NME8: variants seen among roughly 807,000 people sequenced by gnomAD.
NME8 encodes protein NME8.
In NME8, 72 loss-of-function variants were observed where a neutral mutation model predicts 82.3. That is an observed-to-expected ratio of 0.87 (90% CI 0.72 to 1.06). The LOEUF (loss-of-function observed/expected upper bound fraction) is 1.06. Ranked by LOEUF, NME8 falls within the 50% of genes least tolerant of loss-of-function variation. NME8 has a pLI of 0.00. For synonymous variants in NME8, 267 were observed against 228.5 expected, an observed-to-expected ratio of 1.17 and a Z score of -1.52; for missense variants, 712 against 685.4, an observed-to-expected ratio of 1.04 and a Z score of -0.43.
At chr7:37,886,411 T>C (rs1041694795) in intron 14 of NME8, among the ~76,000 whole-genome samples, 1 of 152,142 alleles carries the variant, frequency 6.6e-6, no homozygotes, top group Non-Finnish European at 1.5e-5. Context: ...TTAATCTTAA[T>C]CTTTATTTCT....
intron 15 of NME8, 38 bp downstream of exon 15, chr7:37,888,466 C>T: frequency 9.5e-6 from 15 of 1,578,770 alleles, no homozygotes; most frequent in Non-Finnish European, 1.2e-5. Context: ...TATACATTTT[C>T]TCCAAATTTT....
rs559396172 is a variant in NME8 at position 37,887,855 on chromosome 7, A to T, written c.1248-422A>T. On this transcript the variant is annotated intron_variant, in intron 14 of 17. Transcript: ENST00000199447. The stretch of plus-strand genomic sequence containing the variant: ...TGTAATACCAGGTGCTTGTAAAACC[A>T]TCAGATCTTCTGAGAACTCACTCAC... Among the ~76,000 whole-genome samples the T allele has an allele frequency of 3.3e-5, 5 of 152,260 alleles. No homozygotes were observed. In the East Asian group the frequency reaches 9.6e-4, roughly 29 times the overall value.
intron 9 of NME8, 25 bp from the exon 10 acceptor site, chr7:37,865,500 A>T (rs1026461910): frequency 1.4e-5 from 22 of 1,524,424 alleles, no homozygotes; most frequent in Non-Finnish European, 2.0e-5. Context: ...CGACACCTGG[A>T]TTTGACCTTA....
chr7:37,863,610 A>T, intron 8 of NME8, 148 bp downstream of exon 8: 1 of 654,220 alleles, frequency 1.5e-6, no homozygotes, highest in South Asian at 1.7e-5. Context: ...GCCTTGCAAG[A>T]CTCAGCTATT....
intron 7 of NME8, among the ~76,000 whole-genome samples, 169 bp downstream of exon 7, chr7:37,862,313 C>T (rs1184530514): frequency 1.3e-5 from 2 of 152,050 alleles, no homozygotes; most frequent in African/African-American, 4.8e-5. Flanking sequence ...AGTTGTTTAA[C>T]CTAATTTTGT....
intron 13 of NME8, 28 bp downstream of exon 13, chr7:37,884,475 C>G (rs371814640): frequency 1.1e-4 from 182 of 1,595,416 alleles, no homozygotes; most frequent in Non-Finnish European, 1.5e-4. Flanking sequence ...AAAATTCAGT[C>G]TGATTTATTT....
Position 37,888,390 on chromosome 7 carries a change from T to C in NME8, c.1361T>C (p.Leu454Ser). ...IQHFFPLQST[L>S]GLIKPHATSE... Reference sequence around the variant, plus strand: ...CATTTCTTTCCTCTTCAAAGCACTTTAGGCTTGATTAAACCTCATGCAACA... The same window carrying C: ...CATTTCTTTCCTCTTCAAAGCACTTCAGGCTTGATTAAACCTCATGCAACA... The change falls in exon 15 of 18, where the codon TTA (leucine) becomes TCA (serine). Residue 454 changes from leucine (L) to serine (S), a missense_variant. Leu to Ser is a moderately radical substitution (Grantham distance 145, BLOSUM62 -2). Transcript: ENST00000199447. The C allele has an allele frequency of 6.2e-7, 1 of 1,613,356 alleles. No homozygotes were observed. The highest frequency in any genetic ancestry group is 8.5e-7 in the Non-Finnish European group (1 of 1,179,564).
chr7:37,870,820 T>C (rs1212357979), intron 11 of NME8, among the ~76,000 whole-genome samples: 2 of 152,154 alleles, frequency 1.3e-5, no homozygotes, highest in African/African-American at 4.8e-5. Flanking sequence ...CGTTGGTTTT[T>C]CAGTAAAACT....
In NME8 at chr7:37,867,713, A is replaced by G. The variant is rs200050894; in HGVS notation, c.633A>G (p.Glu211=). 1.1e-4 allele frequency: 181 copies of G among 1,612,520 alleles called. 2 individuals carry two copies. The South Asian group carries it at 1.7e-3, about 15-fold the overall frequency. ...YSRIADQCDF[E]EFVSFMTSGL... ...ATTTTATTTTGTAGTGTGACTTCGA[A>G]GAGTTTGTCTCTTTTATGACAAGTG... is the stretch of plus-strand genomic sequence containing the variant. Residue 211 remains glutamate (E), a synonymous_variant, in exon 11 of 18, where the codon GAA becomes GAG. Coordinates refer to ENST00000199447, the MANE Select transcript of NME8 (RefSeq NM_016616.5).
chr7:37,869,955 T>C (rs1784743334), intron 11 of NME8, among the ~76,000 whole-genome samples: 2 of 152,152 alleles, frequency 1.3e-5, no homozygotes, highest in African/African-American at 4.8e-5. Context: ...GATCCTCAGA[T>C]CCGACAGGAA....
At chr7:37,887,240 T>G (rs1372198985) in intron 14 of NME8, among the ~76,000 whole-genome samples, 1 of 152,168 alleles carries the variant, frequency 6.6e-6, no homozygotes, top group Non-Finnish European at 1.5e-5. Context: ...GGTCTGGTAT[T>G]ATCAGCATCA....
intron 16 of NME8, among the ~76,000 whole-genome samples, chr7:37,894,847 C>T (rs1436315973): frequency 6.6e-6 from 1 of 151,582 alleles, no homozygotes; most frequent in East Asian, 1.9e-4. Flanking sequence ...TTCCTTCCTA[C>T]TTTCCTTTCT....
intron 15 of NME8, among the ~76,000 whole-genome samples, chr7:37,891,995 A>G (rs1209068506): frequency 1.3e-5 from 2 of 151,976 alleles, no homozygotes; most frequent in Non-Finnish European, 2.9e-5. Flanking sequence ...TATTATTTAC[A>G]TATATGCTGG....
chr7:37,861,978 G>GAT (rs778404063), intron 6 of NME8, 50 bp from the exon 7 acceptor site: 2 of 1,142,716 alleles, frequency 1.8e-6, no homozygotes, highest in South Asian at 2.5e-5. Context: ...GTTAGTTCTT[G>GAT]GTGTGTTCTC....
chr7:37,861,900 T>C, intron 6 of NME8, 128 bp from the exon 7 acceptor site: 3 of 770,912 alleles, frequency 3.9e-6, no homozygotes, highest in Non-Finnish European at 7.2e-6. Flanking sequence ...TTAATTACCA[T>C]AGCTAAAAGA....
rs775868906 is a variant in NME8, at chr7:37,897,060, A to G, written c.1735A>G (p.Asn579Asp). ...CGCCTATGAAGCAAAAGAGGTTGTT[A>G]ATAGACTCTTTGAGGATCCTGAGGA... Reference protein sequence around the residue: ...SNAYEAKEVVNRLFEDPEEN With the variant: ...SNAYEAKEVVDRLFEDPEEN Residue 579 changes from asparagine to aspartate, a missense_variant, in exon 17 of 18, where the codon AAT becomes GAT. Coordinates refer to ENST00000199447, the MANE Select transcript of NME8 (RefSeq NM_016616.5). The G allele has an allele frequency of 4.3e-5, 69 of 1,613,726 alleles. 2 individuals are homozygous for G. In the Middle Eastern group the frequency reaches 3.1e-3, roughly 73 times the overall value.
Position 37,894,341 on chromosome 7 carries a change from A to T in NME8, c.1400-125A>T. On this transcript the variant is annotated intron_variant, in intron 15 of 17. Coordinates refer to ENST00000199447, the MANE Select transcript of NME8 (RefSeq NM_016616.5). ...TTGGAATTTTAATTTCGTTTGGCAG[A>T]GTTTTGCCATGTTAAACCACAATAT... 4 of 944,246 alleles carry T rather than the reference A, an allele frequency of 4.2e-6. No individual in the cohort carries two copies. The South Asian group carries it at 5.8e-5, about 14-fold the overall frequency. 58.5% of individuals were successfully genotyped at this position (944,246 alleles called of 1,614,324 possible).
intron 15 of NME8, among the ~76,000 whole-genome samples, chr7:37,892,713 T>A (rs1184677159): frequency 6.6e-6 from 1 of 152,116 alleles, no homozygotes; most frequent in African/African-American, 2.4e-5. Flanking sequence ...ATTTTATCTT[T>A]GTCTTTCGTG....
rs1368505107 is a variant in NME8, at chr7:37,876,916, T to C, written c.903T>C (p.Asp301=). The change falls in exon 12 of 18, where the codon GAT becomes GAC. Residue 301 remains aspartate (D), a synonymous_variant. Transcript: ENST00000199447. ...EDAANVAKFM[D]AFFPDFKKMK... ...CAGCTAATGTTGCTAAGTTCATGGA[T>C]GCTTTCTTCCCCGATTTTAAAAAAA... 1 of 1,612,896 alleles carries C rather than the reference T, an allele frequency of 6.2e-7. No individual in the cohort carries two copies. Among genetic ancestry groups the C allele is most frequent in the Non-Finnish European group, 8.5e-7 (1 of 1,179,158 alleles).
Sources: allele counts gnomAD v4.1 joint callset (sites outside exome capture counted in the v4.1 genomes callset), GRCh38; gene constraint gnomAD v4.1.1; transcripts MANE v1.5; gene names NCBI Gene and HGNC (gene_info 2026-07-23, HGNC 2026-07-21).